Variants in CDH4 observed in about 807,000 individuals in gnomAD.
CDH4 encodes the protein cadherin-4.
A neutral mutation model predicts 86.0 loss-of-function variants in CDH4; 33 were observed. The observed-to-expected ratio is 0.38, with a 90% CI of 0.29 to 0.51. CDH4 has a LOEUF of 0.51. Among genes scored for constraint, CDH4 ranks in the 20% least tolerant of loss-of-function variants. CDH4 has a pLI of 0.86. For missense variants in CDH4, 1,114 were observed against 1,307.4 expected, an observed-to-expected ratio of 0.85 and a Z score of 2.28; for synonymous variants, 555 against 549.4, an observed-to-expected ratio of 1.01 and a Z score of -0.14.
intron 2 of CDH4, among the ~76,000 whole-genome samples, chr20:61,332,247 G>A (rs913116012): frequency 2.0e-5 from 3 of 152,206 alleles, no homozygotes; most frequent in African/African-American, 7.2e-5. Context: ...TCATCAGGGT[G>A]GGCGGAGCGG....
rs553274488 is a variant in CDH4, at chr20:61,501,504, G to A, written c.170-242059G>A. On this transcript the variant is annotated intron_variant, in intron 2 of 15. Coordinates refer to ENST00000614565, the MANE Select transcript of CDH4 (RefSeq NM_001794.5). The surrounding 1 kb of genome is among the most constrained non-coding windows in gnomAD (Gnocchi z 4.2). ...GATGTAGCTGGAACGAGGCCTGGCT[G>A]AGATTCAGGAGACGGCTGCTGCCGT... Among the ~76,000 whole-genome samples the A allele has an allele frequency of 6.6e-6, 1 of 152,294 alleles. No individual in the cohort carries two copies. The highest frequency in any genetic ancestry group is 1.5e-5 in the Non-Finnish European group (1 of 68,028).
intron 7 of CDH4, among the ~76,000 whole-genome samples, chr20:61,884,884 G>C (rs555021988): frequency 1.3e-5 from 2 of 152,124 alleles, no homozygotes; most frequent in African/African-American, 2.4e-5. Flanking sequence ...CGGGAGGTGC[G>C]GGGTTGGGAC....
intron 2 of CDH4, among the ~76,000 whole-genome samples, chr20:61,405,475 C>CA (rs2085076705): frequency 6.6e-6 from 1 of 152,080 alleles, no homozygotes; most frequent in Admixed American, 6.6e-5. Flanking sequence ...CTCCCAGAGT[C>CA]AGTGTGGTAC....
At chr20:61,745,269 A>G (rs2088400085) in intron 3 of CDH4, among the ~76,000 whole-genome samples, 1 of 152,154 alleles carries the variant, frequency 6.6e-6, no homozygotes, top group Non-Finnish European at 1.5e-5. Flanking sequence ...ACCAGTCTGC[A>G]AGTTTCCCCA....
rs138878897 is a variant in CDH4, at chr20:61,619,247, A to G, written c.170-124316A>G. Among the ~76,000 whole-genome samples the G allele has an allele frequency of 4.5e-3, 682 of 151,808 alleles. 3 individuals carry two copies. The highest frequency in any genetic ancestry group is 6.8e-3 in the Middle Eastern group (2 of 292). ...ACACTTGCTGGATGAAACTAGCCCC[A>G]GCCCCAGCCCCAGCTGCCATTCCCT... On this transcript the variant is annotated intron_variant, in intron 2 of 15. Coordinates refer to ENST00000614565, the MANE Select transcript of CDH4 (RefSeq NM_001794.5).
chr20:61,552,194 T>G (rs1445768257), intron 2 of CDH4, among the ~76,000 whole-genome samples: 1 of 152,210 alleles, frequency 6.6e-6, no homozygotes, highest in Non-Finnish European at 1.5e-5. Flanking sequence ...GAAAAGGCCA[T>G]AGCATGACAG....
At chr20:61,717,422 C>G (rs1321560646) in intron 2 of CDH4, 1 of 152,548 alleles carries the variant, frequency 6.6e-6, no homozygotes, top group East Asian at 1.9e-4. Context: ...CACAGTTTCC[C>G]CCCACAGATA....
At chr20:61,429,755 G>GTGGATGGATGGATGGATGGATGGA (rs111226650) in intron 2 of CDH4, among the ~76,000 whole-genome samples, 56 of 141,188 alleles carry the variant, frequency 4.0e-4, no homozygotes, top group African/African-American at 8.5e-4. Flanking sequence ...GGATAGGTGT[G>GTGGATGGATGGATGGATGGATGGA]TGGATGGATG....
At chr20:61,662,851 T>G (rs989257164) in intron 2 of CDH4, among the ~76,000 whole-genome samples, 1 of 152,084 alleles carries the variant, frequency 6.6e-6, no homozygotes, top group African/African-American at 2.4e-5. Context: ...CCTATCTCCA[T>G]GTCCGCCTAC....
intron 7 of CDH4, among the ~76,000 whole-genome samples, chr20:61,886,465 A>C (rs1210333405): frequency 6.6e-6 from 1 of 152,176 alleles, no homozygotes; most frequent in African/African-American, 2.4e-5. Flanking sequence ...ATCACTTTTT[A>C]ATGAATTCTC....
intron 2 of CDH4, among the ~76,000 whole-genome samples, chr20:61,426,972 G>T (rs976099349): frequency 2.0e-5 from 3 of 152,220 alleles, no homozygotes; most frequent in African/African-American, 7.2e-5. Context: ...TTCCAGGCAA[G>T]TGATGTTTCT....
intron 2 of CDH4, among the ~76,000 whole-genome samples, chr20:61,444,516 C>CATGT (rs1185831734): frequency 1.6e-5 from 1 of 64,420 alleles, no homozygotes. Flanking sequence ...TGTGTTTCTG[C>CATGT]GTGTGTTTTT....
At chr20:61,349,264 C>T (rs753148403) in intron 2 of CDH4, among the ~76,000 whole-genome samples, 2 of 152,194 alleles carry the variant, frequency 1.3e-5, no homozygotes, top group Non-Finnish European at 2.9e-5. Flanking sequence ...AAGGCTGCTC[C>T]GTAGCCGTGG....
intron 2 of CDH4, chr20:61,570,567 G>A: frequency 6.0e-6 from 4 of 665,742 alleles, no homozygotes; most frequent in Non-Finnish European, 5.5e-6. Flanking sequence ...GTTGACTTTT[G>A]TGGCTTCCTT....
At position 61,314,153 on chromosome 20, in the gene CDH4, T is replaced by C. The variant is rs561851669; in HGVS notation, c.169+59216T>C. Among the ~76,000 whole-genome samples, 8 of 152,344 alleles carry C rather than the reference T, an allele frequency of 5.3e-5. No individual in the cohort carries two copies. The South Asian group carries it at 1.5e-3, about 28-fold the overall frequency. ...GAGAACATTTATGGTCCGTTCCTTT[T>C]ACAGATTTCAAATTAACCATACAGT... On this transcript the variant is annotated intron_variant, in intron 2 of 15. Transcript: ENST00000614565.
intron 3 of CDH4, among the ~76,000 whole-genome samples, chr20:61,755,289 CCCACACACA>C (rs538397877): frequency 3.9e-5 from 5 of 128,210 alleles, no homozygotes; most frequent in African/African-American, 1.2e-4. Flanking sequence ...ACACACACGC[CCCACACACA>C]CCACACACAC....
chr20:61,796,322 G>A (rs1979535167), intron 4 of CDH4, among the ~76,000 whole-genome samples: 1 of 152,164 alleles, frequency 6.6e-6, no homozygotes, highest in South Asian at 2.1e-4. Flanking sequence ...ACCGCTCAAA[G>A]CCGCTCTCTG....
intron 2 of CDH4, among the ~76,000 whole-genome samples, chr20:61,310,553 C>T (rs1172546256): frequency 6.6e-6 from 1 of 152,156 alleles, no homozygotes; most frequent in Non-Finnish European, 1.5e-5. Flanking sequence ...TGAGAGGAGG[C>T]GGAGCTCAGG....
intron 2 of CDH4, among the ~76,000 whole-genome samples, chr20:61,287,009 G>C (rs75008823): frequency 0.015 from 2,222 of 152,288 alleles, 76 homozygotes; most frequent in East Asian, 0.13. Flanking sequence ...TGTCTCAGTG[G>C]GACACGAATC....
Sources: gnomAD v4.1 joint callset for allele counts (sites outside exome capture counted in the v4.1 genomes callset) on GRCh38, gnomAD v4.1.1 for gene constraint, Gnocchi (gnomAD v3.1) non-coding constraint, MANE v1.5 for transcripts, NCBI Gene and HGNC (gene_info 2026-07-23, HGNC 2026-07-21) for gene names.